Variants in OR51L1 observed in about 807,000 individuals in gnomAD.
OR51L1 encodes olfactory receptor 51L1.
OR51L1 carries 1 observed loss-of-function variant against 1.4 expected under a neutral mutation model. The observed-to-expected ratio is 0.72, with a 90% confidence interval of 0.26 to 3.42. The LOEUF (loss-of-function observed/expected upper bound fraction) is 3.42, where lower values mean the gene tolerates loss of function less well. Ranked by LOEUF, OR51L1 falls within the 30% of genes most tolerant of loss-of-function variation. OR51L1 has a pLI of 0.20. For missense variants in OR51L1, 378 were observed against 380.0 expected (o/e 0.99, Z 0.04); for synonymous variants, 156 against 144.2 (o/e 1.08, Z -0.59).
At position 5,000,081 on chromosome 11, in the gene OR51L1, T is replaced by C; in HGVS notation, c.*151T>C. The C allele has an allele frequency of 2.4e-6, 2 of 845,424 alleles. No individual in the cohort carries two copies. Among genetic ancestry groups the C allele is most frequent in the Non-Finnish European group, 1.7e-6 (1 of 579,664 alleles). The allele number at this position is 845,424 out of a possible 1,614,324, so 52.4% of individuals were successfully genotyped here. On this transcript the variant is annotated 3_prime_UTR_variant, in exon 3 of 3. Transcript: ENST00000641819. The stretch of plus-strand genomic sequence containing the variant: ...AATTTCAGTTAATCTTTAACCAATA[T>C]GAAACTCAGGATTTTTTTGGACAAA...
At position 5,005,258 on chromosome 11, in the gene OR51L1, C is replaced by T. The variant is rs778119180; in HGVS notation, c.*5328C>T. 5 of 152,216 alleles carry T rather than the reference C, an allele frequency of 3.3e-5. No individual in the cohort carries two copies. The highest frequency in any genetic ancestry group is 7.3e-5 in the Non-Finnish European group (5 of 68,040). 9.4% of individuals were successfully genotyped at this position (152,216 alleles called of 1,614,324 possible). On this transcript the variant is annotated 3_prime_UTR_variant, in exon 3 of 3. Coordinates refer to ENST00000641819, the MANE Select transcript of OR51L1 (RefSeq NM_001004755.2). ...CAGAAAAGTCAAGATTCATTTTCTT[C>T]ACCTACCCAGAGACGACTACATGAT...
chr11:4,998,938 A>C lies in OR51L1; in HGVS notation c.-45A>C, dbSNP rs750269408. ...ATAACTTTGAGGGATCAGGAAGGAA[A>C]ACACGAACCATTCCTCACTACTTGC... On this transcript the variant is annotated 5_prime_UTR_variant, in exon 3 of 3. Transcript: ENST00000641819. The C allele has an allele frequency of 6.4e-7, 1 of 1,573,538 alleles. No individual in the cohort carries two copies. Among genetic ancestry groups the C allele is most frequent in the Non-Finnish European group, 8.6e-7 (1 of 1,158,348 alleles).
chr11:5,000,328 T>TTAC lies in OR51L1; in HGVS notation c.*401_*403dup, dbSNP rs555442093. On this transcript the variant is annotated 3_prime_UTR_variant, in exon 3 of 3. Transcript: ENST00000641819. The stretch of plus-strand genomic sequence containing the variant: ...ACTCAGAAATCAATCTCTATCTCTT[T>TTAC]TACTAGTACTGCTGCACGTATTTTG... The TTAC allele has an allele frequency of 2.3e-3, 379 of 165,322 alleles. 1 individual carries two copies. Among genetic ancestry groups the TTAC allele is most frequent in the African/African-American group, 8.4e-3 (351 of 41,772 alleles). The allele number at this position is 165,322 out of a possible 1,614,324, so 10.2% of individuals were successfully genotyped here.
In OR51L1 at chr11:4,998,943, G is replaced by A. The variant is rs377138037; in HGVS notation, c.-40G>A. On this transcript the variant is annotated 5_prime_UTR_variant, in exon 3 of 3. Transcript: ENST00000641819. Reference sequence around the variant, plus strand: ...TTTGAGGGATCAGGAAGGAAAACACGAACCATTCCTCACTACTTGCTGAAT... The same window carrying A: ...TTTGAGGGATCAGGAAGGAAAACACAAACCATTCCTCACTACTTGCTGAAT... 5.6e-5 allele frequency: 89 copies of A among 1,578,812 alleles called. 1 individual carries two copies. Among genetic ancestry groups the A allele is most frequent in the Non-Finnish European group, 7.4e-5 (86 of 1,160,866 alleles).
chr11:4,998,319 C>T (rs1847091089), intron 2 of OR51L1, among the ~76,000 whole-genome samples: 1 of 151,714 alleles, frequency 6.6e-6, no homozygotes, highest in South Asian at 2.1e-4. Flanking sequence ...TACTAAACAG[C>T]TCAAAACTGT....
At position 5,001,814 on chromosome 11, in the gene OR51L1, T is replaced by A. The variant is rs1305642728; in HGVS notation, c.*1884T>A. 6.6e-6 allele frequency: 1 copy of A among 152,200 alleles called. No homozygotes were observed. Among genetic ancestry groups the A allele is most frequent in the Non-Finnish European group, 1.5e-5 (1 of 68,032 alleles). 9.4% of individuals were successfully genotyped at this position (152,200 alleles called of 1,614,324 possible). A position where few individuals can be genotyped will look rare whatever the true frequency, so the allele number is the denominator to read the frequency against. ...CCAACAATCATGAGTACTCATTAAA[T>A]AATTGAAATAACTATTATAGTTATT... On this transcript the variant is annotated 3_prime_UTR_variant, in exon 3 of 3. Coordinates refer to ENST00000641819, the MANE Select transcript of OR51L1 (RefSeq NM_001004755.2).
In OR51L1 at chr11:5,001,894, A is replaced by G. The variant is rs543128907; in HGVS notation, c.*1964A>G. On this transcript the variant is annotated 3_prime_UTR_variant, in exon 3 of 3. Coordinates refer to ENST00000641819, the MANE Select transcript of OR51L1 (RefSeq NM_001004755.2). The stretch of plus-strand genomic sequence containing the variant: ...AAAATGCATAACGTTAATGTTAAAT[A>G]ATGAATGTTTAATAGTGAAGATACA... The G allele has an allele frequency of 9.2e-5, 14 of 152,334 alleles. No homozygotes were observed. The highest frequency in any genetic ancestry group is 2.9e-4 in the African/African-American group (12 of 41,572). 9.4% of individuals were successfully genotyped at this position (152,334 alleles called of 1,614,324 possible).
chr11:4,997,961 A>G (rs1847086786), intron 2 of OR51L1, among the ~76,000 whole-genome samples: 1 of 152,190 alleles, frequency 6.6e-6, no homozygotes, highest in South Asian at 2.1e-4. Context: ...TCTTTTAAAA[A>G]TGATATTAAA....
chr11:4,999,957 C>T lies in OR51L1; in HGVS notation c.*27C>T. On this transcript the variant is annotated 3_prime_UTR_variant, in exon 3 of 3. Coordinates refer to ENST00000641819, the MANE Select transcript of OR51L1 (RefSeq NM_001004755.2). ...TAACCTCTGTCCTCCAACTTTTCCACTGAAAATCTCATGGAAGCTGTTTTA... is the reference window on the plus strand; with the variant it reads ...TAACCTCTGTCCTCCAACTTTTCCATTGAAAATCTCATGGAAGCTGTTTTA... The T allele has an allele frequency of 1.3e-6, 2 of 1,556,558 alleles. No homozygotes were observed. Among genetic ancestry groups the T allele is most frequent in the Non-Finnish European group, 1.7e-6 (2 of 1,153,210 alleles).
chr11:5,002,005 T>G lies in OR51L1; in HGVS notation c.*2075T>G, dbSNP rs1194263577. 1 of 152,240 alleles carries G rather than the reference T, an allele frequency of 6.6e-6. No individual in the cohort carries two copies. The highest frequency in any genetic ancestry group is 1.5e-5 in the Non-Finnish European group (1 of 68,044). 9.4% of individuals were successfully genotyped at this position (152,240 alleles called of 1,614,324 possible). A position where few individuals can be genotyped will look rare whatever the true frequency, so the allele number is the denominator to read the frequency against. On this transcript the variant is annotated 3_prime_UTR_variant, in exon 3 of 3. Coordinates refer to ENST00000641819, the MANE Select transcript of OR51L1 (RefSeq NM_001004755.2). ...ATAATATTGATATATTAATAAGTGGTCAATTTCACTTGAGGATTTAAGAAT... is the reference window on the plus strand; with the variant it reads ...ATAATATTGATATATTAATAAGTGGGCAATTTCACTTGAGGATTTAAGAAT...
At position 5,003,161 on chromosome 11, in the gene OR51L1, C is replaced by A. The variant is rs1169590949; in HGVS notation, c.*3231C>A. On this transcript the variant is annotated 3_prime_UTR_variant, in exon 3 of 3. Transcript: ENST00000641819. ...AAGGAAAGTACGCTTGGAAGAGACC[C>A]AAGGGTAAATTGAAGGACAAGTGCT... 1 of 152,158 alleles carries A rather than the reference C, an allele frequency of 6.6e-6. No homozygotes were observed. The highest frequency in any genetic ancestry group is 1.5e-5 in the Non-Finnish European group (1 of 68,026). 9.4% of individuals were successfully genotyped at this position (152,158 alleles called of 1,614,324 possible).
Position 5,003,397 on chromosome 11 carries a change from C to G in OR51L1, c.*3467C>G, listed in dbSNP as rs898315612. The G allele has an allele frequency of 1.4e-4, 22 of 152,060 alleles. No individual in the cohort carries two copies. Among genetic ancestry groups the G allele is most frequent in the African/African-American group, 5.3e-4 (22 of 41,398 alleles). The allele number at this position is 152,060 out of a possible 1,614,324, so 9.4% of individuals were successfully genotyped here. On this transcript the variant is annotated 3_prime_UTR_variant, in exon 3 of 3. Transcript: ENST00000641819. The stretch of plus-strand genomic sequence containing the variant: ...AAGGTCATACTCCTTCATTTTGTCT[C>G]TTAATGCACATGTCTAGAAAGTTAC...
At chr11:4,996,464 C>T (rs1847069471) in intron 1 of OR51L1, among the ~76,000 whole-genome samples, 1 of 152,062 alleles carries the variant, frequency 6.6e-6, no homozygotes, top group South Asian at 2.1e-4. Context: ...GCAATCTGCA[C>T]ATAGGGGACT....
rs1847142312 is a variant in OR51L1 at position 5,002,657 on chromosome 11, G to GC, written c.*2731dup. On this transcript the variant is annotated 3_prime_UTR_variant, in exon 3 of 3. Transcript: ENST00000641819. ...TAATGTAGAAAGTTGGAAAGGTCTG[G>GC]CCCCTTCAGCCCAGTGAATTTCACT... 2 of 151,992 alleles carry GC rather than the reference G, an allele frequency of 1.3e-5. No homozygotes were observed. 9.4% of individuals were successfully genotyped at this position (151,992 alleles called of 1,614,324 possible).
chr11:4,996,520 A>C (rs1589827805), intron 1 of OR51L1, among the ~76,000 whole-genome samples: 2 of 152,240 alleles, frequency 1.3e-5, no homozygotes, highest in Admixed American at 6.5e-5. Context: ...GTAGTGATCC[A>C]CTTTGTTCTT....
At chr11:4,996,259 C>G (rs1166770027) in intron 1 of OR51L1, among the ~76,000 whole-genome samples, 1 of 152,086 alleles carries the variant, frequency 6.6e-6, no homozygotes, top group Non-Finnish European at 1.5e-5. Context: ...CATGCACACA[C>G]ACACACACAG....
rs1847105258 is a variant in OR51L1 at position 4,999,408 on chromosome 11, A to T, written c.426A>T (p.Val142=). The T allele has an allele frequency of 6.2e-7, 1 of 1,614,040 alleles. No individual in the cohort carries two copies. Among genetic ancestry groups the T allele is most frequent in the African/African-American group, 1.3e-5 (1 of 74,908 alleles). The change falls in exon 3 of 3, where the codon GTA becomes GTT. Residue 142 remains valine, a synonymous_variant. Transcript: ENST00000641819. The part of the protein sequence containing the change: ...LHYPTILTNS[V]IGKIGLACLL... ...ACCCCACCATCCTCACCAACAGTGTAATTGGCAAAATTGGTTTGGCCTGTT... is the reference window on the plus strand; with the variant it reads ...ACCCCACCATCCTCACCAACAGTGTTATTGGCAAAATTGGTTTGGCCTGTT...
Position 4,998,976 on chromosome 11 carries a change from A to G in OR51L1, c.-7A>G, listed in dbSNP as rs1847097888. 2 of 1,607,106 alleles carry G rather than the reference A, an allele frequency of 1.2e-6. No homozygotes were observed. Among genetic ancestry groups the G allele is most frequent in the Non-Finnish European group, 1.7e-6 (2 of 1,175,490 alleles). On this transcript the variant is annotated 5_prime_UTR_variant, in exon 3 of 3. Coordinates refer to ENST00000641819, the MANE Select transcript of OR51L1 (RefSeq NM_001004755.2). ...CCTCACTACTTGCTGAATTACTCAAAGTCACTATGGGAGACTGGAATAACA... is the reference window on the plus strand; with the variant it reads ...CCTCACTACTTGCTGAATTACTCAAGGTCACTATGGGAGACTGGAATAACA...
At chr11:4,996,242 G>T (rs984246457) in intron 1 of OR51L1, among the ~76,000 whole-genome samples, 1 of 145,620 alleles carries the variant, frequency 6.9e-6, no homozygotes, top group East Asian at 1.9e-4. Flanking sequence ...ACACATGCAC[G>T]TGTGTGCATG....
Sources: allele counts gnomAD v4.1 joint callset (sites outside exome capture counted in the v4.1 genomes callset), GRCh38; gene constraint gnomAD v4.1.1; transcripts MANE v1.5; gene names NCBI Gene and HGNC (gene_info 2026-07-23, HGNC 2026-07-21).